Variants in DEFB131A observed in about 807,000 individuals in gnomAD.
DEFB131A encodes the protein beta-defensin 131A.
Under a neutral mutation model 2.4 loss-of-function variants are expected in DEFB131A, and 5 were observed. That is an observed-to-expected ratio of 2.12 (90% CI 1.11 to 4.47). The LOEUF is 4.47. Among genes scored for constraint, DEFB131A ranks in the 30% most tolerant of loss-of-function variants. The pLI is 0.00. For synonymous variants in DEFB131A, 34 were observed against 25.7 expected (o/e 1.32, Z -0.97); for missense variants, 120 against 79.9 (o/e 1.50, Z -1.91).
intron 1 of DEFB131A, among the ~76,000 whole-genome samples, chr4:9,447,421 T>G (rs184439244): frequency 2.9e-3 from 437 of 152,294 alleles, no homozygotes; most frequent in African/African-American, 9.9e-3. Flanking sequence ...ATTAGGCCAT[T>G]CTTGCATTGC....
chr4:9,444,541 T>G lies in DEFB131A; in HGVS notation c.8T>G (p.Val3Gly), dbSNP rs1191451748. The change falls in exon 1 of 2, where the codon GTC (valine) becomes GGC (glycine). Residue 3 changes from valine (V) to glycine (G), a missense_variant. Physicochemically the swap from Val to Gly is moderately radical, Grantham distance 109 (BLOSUM62 -3). Coordinates refer to ENST00000334879, the MANE Select transcript of DEFB131A (RefSeq NM_001040448.3). Reference protein sequence around the residue: MRVLFFVFGVLSL... With the variant: MRGLFFVFGVLSL... ...TGCTTTACCTATTCAACCATGAGGG[T>G]CTTGTTTTTTGTCTTTGGAGTCCTT... 53 of 1,611,590 alleles carry G rather than the reference T, an allele frequency of 3.3e-5. No individual in the cohort carries two copies. Among genetic ancestry groups the G allele is most frequent in the Non-Finnish European group, 4.4e-5 (52 of 1,179,676 alleles).
chr4:9,446,296 T>C (rs1717503139), intron 1 of DEFB131A, among the ~76,000 whole-genome samples: 2 of 152,054 alleles, frequency 1.3e-5, no homozygotes. Flanking sequence ...TTATAAAGTA[T>C]TGGTGGATTT....
At chr4:9,448,355 T>G (rs1218465314) in intron 1 of DEFB131A, among the ~76,000 whole-genome samples, 1 of 152,012 alleles carries the variant, frequency 6.6e-6, no homozygotes, top group Non-Finnish European at 1.5e-5. Context: ...CTTAGTAAAA[T>G]TATCTCTTTT....
At position 9,450,455 on chromosome 4, in the gene DEFB131A, G is replaced by T. The variant is rs77132996; in HGVS notation, c.154G>T (p.Asp52Tyr). The stretch of plus-strand genomic sequence containing the variant: ...TGAACATGCAATTAGATACTGTGCT[G>T]ACTTCAGCATCTGCTGCAAACTGAA... ...ADEHAIRYCA[D>Y]FSICCKLKII... is the part of the protein sequence containing the mutation. Residue 52 changes from aspartate (D) to tyrosine (Y), a missense_variant, in exon 2 of 2, where the codon GAC becomes TAC. Transcript: ENST00000334879. The T allele has an allele frequency of 6.2e-7, 1 of 1,611,088 alleles. No homozygotes were observed. Among genetic ancestry groups the T allele is most frequent in the Non-Finnish European group, 8.5e-7 (1 of 1,179,346 alleles).
Position 9,444,563 on chromosome 4 carries a change from C to T in DEFB131A, c.30C>T (p.Val10=). 6.2e-7 allele frequency: 1 copy of T among 1,611,144 alleles called. No individual in the cohort carries two copies. Among genetic ancestry groups the T allele is most frequent in the Non-Finnish European group, 8.5e-7 (1 of 1,179,588 alleles). MRVLFFVFG[V]LSLMFTVPPA... is the part of the protein sequence containing the mutation. ...GGGTCTTGTTTTTTGTCTTTGGAGT[C>T]CTTTCCTTGATGTTCACAGTTCCTC... Residue 10 remains valine (V), a synonymous_variant, in exon 1 of 2, where the codon GTC becomes GTT. Transcript: ENST00000334879.
chr4:9,449,704 T>C (rs372019493), intron 1 of DEFB131A, among the ~76,000 whole-genome samples: 2 of 152,022 alleles, frequency 1.3e-5, no homozygotes, highest in African/African-American at 2.4e-5. Context: ...AAGGGAATAT[T>C]TATGGGAGAT....
At chr4:9,448,966 A>G (rs1192040117) in intron 1 of DEFB131A, among the ~76,000 whole-genome samples, 13 of 152,120 alleles carry the variant, frequency 8.5e-5, no homozygotes, top group African/African-American at 3.1e-4. Context: ...TCCCAAAATT[A>G]TTACAACTAA....
rs1717432288 is a variant in DEFB131A at position 9,444,550 on chromosome 4, TTG to T, written c.19_20del (p.Val7LeufsTer19). ...TATTCAACCATGAGGGTCTTGTTTTTTGTCTTTGGAGTCCTTTCCTTGATGTT... is the reference window on the plus strand; with the variant it reads ...TATTCAACCATGAGGGTCTTGTTTTTTCTTTGGAGTCCTTTCCTTGATGTT... On this transcript the variant is annotated frameshift_variant, in exon 1 of 2. Transcript: ENST00000334879. LOFTEE classifies it low-confidence loss of function (END_TRUNC). The T allele has an allele frequency of 3.7e-6, 6 of 1,611,754 alleles. No homozygotes were observed. Among genetic ancestry groups the T allele is most frequent in the Non-Finnish European group, 5.1e-6 (6 of 1,179,696 alleles).
intron 1 of DEFB131A, among the ~76,000 whole-genome samples, chr4:9,445,448 C>T (rs532380102): frequency 6.0e-4 from 92 of 152,130 alleles, no homozygotes; most frequent in Admixed American, 1.2e-3. Flanking sequence ...ATAATCAATA[C>T]GACTTTCCCA....
At chr4:9,446,466 A>G (rs1253486357) in intron 1 of DEFB131A, among the ~76,000 whole-genome samples, 1 of 152,006 alleles carries the variant, frequency 6.6e-6, no homozygotes, top group African/African-American at 2.4e-5. Flanking sequence ...GATTTTATTT[A>G]TTTGGCATTC....
Position 9,444,533 on chromosome 4 carries a change from C to A in DEFB131A, c.-1C>A. The A allele has an allele frequency of 6.2e-7, 1 of 1,611,702 alleles. No homozygotes were observed. The highest frequency in any genetic ancestry group is 8.5e-7 in the Non-Finnish European group (1 of 1,179,660). The stretch of plus-strand genomic sequence containing the variant: ...CTCTAACCTGCTTTACCTATTCAAC[C>A]ATGAGGGTCTTGTTTTTTGTCTTTG... On this transcript the variant is annotated 5_prime_UTR_variant, in exon 1 of 2. Coordinates refer to ENST00000334879, the MANE Select transcript of DEFB131A (RefSeq NM_001040448.3).
chr4:9,448,288 G>A (rs1475659007), intron 1 of DEFB131A, among the ~76,000 whole-genome samples: 1 of 151,146 alleles, frequency 6.6e-6, no homozygotes, highest in Non-Finnish European at 1.5e-5. Context: ...AGAGGAAAGT[G>A]AAATATTTAA....
chr4:9,445,577 A>C (rs6448058), intron 1 of DEFB131A, among the ~76,000 whole-genome samples: 150,859 of 151,186 alleles, frequency 1, 75,267 homozygotes, highest in East Asian at 1. Context: ...TTTAATACTT[A>C]ACAATTCAAG....
intron 1 of DEFB131A, among the ~76,000 whole-genome samples, chr4:9,447,628 C>A (rs976094909): frequency 1.3e-5 from 2 of 151,656 alleles, no homozygotes; most frequent in African/African-American, 4.8e-5. Context: ...ACATGCATTC[C>A]TGGTGTCTCT....
chr4:9,445,486 C>A (rs530438734), intron 1 of DEFB131A, among the ~76,000 whole-genome samples: 35 of 151,998 alleles, frequency 2.3e-4, no homozygotes, highest in Non-Finnish European at 4.6e-4. Context: ...ATCAATACCC[C>A]ATAATAAAAA....
rs543469385 is a variant in DEFB131A at position 9,444,718 on chromosome 4, G to A, written c.58+127G>A. On this transcript the variant is annotated intron_variant, in intron 1 of 1. Coordinates refer to ENST00000334879, the MANE Select transcript of DEFB131A (RefSeq NM_001040448.3). ...TACTGTACCATGAAGGCTGCTCAGA[G>A]GATTGAAGAGTTGATACTAAAGAAA... is the stretch of plus-strand genomic sequence containing the variant. 80 of 905,956 alleles carry A rather than the reference G, an allele frequency of 8.8e-5. 1 individual carries two copies. In the South Asian group the frequency reaches 1.2e-3, roughly 13 times the overall value. 56.1% of individuals were successfully genotyped at this position (905,956 alleles called of 1,614,324 possible).
At chr4:9,449,819 T>C (rs1406904115) in intron 1 of DEFB131A, among the ~76,000 whole-genome samples, 1 of 152,180 alleles carries the variant, frequency 6.6e-6, no homozygotes, top group Non-Finnish European at 1.5e-5. Flanking sequence ...CTCAACTCCT[T>C]CTGACCCTTC....
chr4:9,447,113 G>A (rs183219585), intron 1 of DEFB131A, among the ~76,000 whole-genome samples: 267 of 152,180 alleles, frequency 1.8e-3, no homozygotes, highest in South Asian at 4.8e-3. Flanking sequence ...TTTGGTCTGC[G>A]GTACAGATTA....
intron 1 of DEFB131A, among the ~76,000 whole-genome samples, chr4:9,448,554 C>T (rs1384258140): frequency 6.6e-6 from 1 of 152,128 alleles, no homozygotes; most frequent in Admixed American, 6.5e-5. Context: ...GAACTCCTGA[C>T]CTCAGGTGAT....
Sources: gnomAD v4.1 joint callset for allele counts (sites outside exome capture counted in the v4.1 genomes callset) on GRCh38, gnomAD v4.1.1 for gene constraint, MANE v1.5 for transcripts, NCBI Gene and HGNC (gene_info 2026-07-23, HGNC 2026-07-21) for gene names.